Variants in SERPINE2 observed in about 807,000 individuals in gnomAD.
SERPINE2 encodes glia-derived nexin.
A neutral mutation model predicts 36.3 loss-of-function variants in SERPINE2; 14 were observed. The ratio of observed to expected loss-of-function variants is 0.39; its 90% CI spans 0.25 to 0.60. The LOEUF (loss-of-function observed/expected upper bound fraction) is 0.60, where lower values mean the gene tolerates loss of function less well. SERPINE2 is among the 20% of genes least tolerant of loss of function. The pLI, the probability that SERPINE2 is intolerant of heterozygous loss-of-function variation, is 0.57. For missense variants in SERPINE2, 418 were observed against 499.6 expected, an observed-to-expected ratio of 0.84 and a Z score of 1.56; for synonymous variants, 192 against 191.8, an observed-to-expected ratio of 1.00 and a Z score of -0.01.
At chr2:224,031,616 G>A (rs1692375739) in intron 1 of SERPINE2, 1 of 493,754 alleles carries the variant, frequency 2.0e-6, no homozygotes, top group Non-Finnish European at 2.6e-6. Flanking sequence ...ACAGCCATTG[G>A]TATCGGGACG....
intron 1 of SERPINE2, among the ~76,000 whole-genome samples, chr2:224,010,149 A>G (rs1691573349): frequency 6.6e-6 from 1 of 152,218 alleles, no homozygotes; most frequent in Admixed American, 6.5e-5. Flanking sequence ...AAATTTAGAG[A>G]ACAAACAGGA....
chr2:224,013,976 G>C (rs1279182210), intron 1 of SERPINE2: 2 of 152,372 alleles, frequency 1.3e-5, no homozygotes, highest in Admixed American at 1.3e-4. Flanking sequence ...TGGGCTGGCA[G>C]GCCAAAGCTT....
intron 1 of SERPINE2, among the ~76,000 whole-genome samples, chr2:224,016,331 C>T (rs1160145824): frequency 6.6e-6 from 1 of 152,130 alleles, no homozygotes; most frequent in South Asian, 2.1e-4. Context: ...CATGGTGAAA[C>T]CCTGTCTCTA....
At chr2:224,012,815 T>G (rs1030453760) in intron 1 of SERPINE2, among the ~76,000 whole-genome samples, 1 of 152,254 alleles carries the variant, frequency 6.6e-6, no homozygotes, top group African/African-American at 2.4e-5. Flanking sequence ...ATAGCTGAAA[T>G]GTGTTCTAAA....
At chr2:223,990,398 C>G (rs1412207046) in intron 4 of SERPINE2, among the ~76,000 whole-genome samples, 2 of 152,162 alleles carry the variant, frequency 1.3e-5, no homozygotes, top group Non-Finnish European at 2.9e-5. Context: ...ATGTAACTCT[C>G]TGGGAATAGC....
At chr2:223,992,689 T>C (rs565581278) in intron 3 of SERPINE2, among the ~76,000 whole-genome samples, 74 of 152,274 alleles carry the variant, frequency 4.9e-4, no homozygotes, top group African/African-American at 1.5e-3. Flanking sequence ...GTTCCCACCA[T>C]AAAGAAATGA....
intron 1 of SERPINE2, among the ~76,000 whole-genome samples, chr2:224,018,290 T>C (rs1559216100): frequency 6.6e-6 from 1 of 152,146 alleles, no homozygotes; most frequent in Admixed American, 6.5e-5. Flanking sequence ...TGAAATAGGG[T>C]GGGATTATAC....
chr2:224,035,541 G>C (rs905287845), intron 1 of SERPINE2, among the ~76,000 whole-genome samples: 2 of 151,954 alleles, frequency 1.3e-5, no homozygotes, highest in Non-Finnish European at 2.9e-5. Flanking sequence ...GCTAATTTTT[G>C]TATTTTTAGT....
intron 1 of SERPINE2, among the ~76,000 whole-genome samples, chr2:224,005,073 A>AAATATATTT (rs1691359723): frequency 9.9e-5 from 1 of 10,062 alleles, no homozygotes; most frequent in East Asian, 2.5e-3. Flanking sequence ...TATTATATAT[A>AAATATATTT]TATATATATA....
At chr2:224,007,325 G>GT (rs766629551) in intron 1 of SERPINE2, among the ~76,000 whole-genome samples, 25 of 152,042 alleles carry the variant, frequency 1.6e-4, no homozygotes, top group Non-Finnish European at 2.5e-4. Context: ...TCTATAAAAG[G>GT]TTTAAAGTGA....
chr2:223,998,339 A>C lies in SERPINE2; in HGVS notation c.263T>G (p.Val88Gly). 3 of 1,608,644 alleles carry C rather than the reference A, an allele frequency of 1.9e-6. No homozygotes were observed. Among genetic ancestry groups the C allele is most frequent in the Non-Finnish European group, 2.6e-6 (3 of 1,175,232 alleles). Residue 88 changes from valine to glycine, a missense_variant, in exon 3 of 9, where the codon GTT becomes GGT. Coordinates refer to ENST00000409304, the MANE Select transcript of SERPINE2 (RefSeq NM_001136528.2). ...GTTGATCTTCTTTAATATTTTACCA[A>C]CTCCTAAAAGAGAAATCAGAAGATA... ...AMVMRYGVNG[V>G]GKILKKINKA... is the part of the protein sequence containing the mutation.
At chr2:224,031,601 T>C (rs926300846) in intron 1 of SERPINE2, 43 of 620,596 alleles carry the variant, frequency 6.9e-5, no homozygotes, top group Non-Finnish European at 8.2e-5. Context: ...CTCACTCCTC[T>C]GCCCACAGCC....
chr2:224,039,078 C>T lies in SERPINE2; in HGVS notation c.-23+21G>A, dbSNP rs1394546311. 1 of 151,242 alleles carries T rather than the reference C, an allele frequency of 6.6e-6. No homozygotes were observed. The highest frequency in any genetic ancestry group is 1.5e-5 in the Non-Finnish European group (1 of 67,732). The allele number at this position is 151,242 out of a possible 1,614,324, so 9.4% of individuals were successfully genotyped here. ...GGCAGCGCCGGCCGCGCCCGGGACT[C>T]ACCGCGCAGCCTGTACTCACCGCGC... On this transcript the variant is annotated intron_variant, in intron 1 of 8. Coordinates refer to ENST00000409304, the MANE Select transcript of SERPINE2 (RefSeq NM_001136528.2). The surrounding 1 kb of genome is among the most constrained non-coding windows in gnomAD (Gnocchi z 5.2).
intron 3 of SERPINE2, among the ~76,000 whole-genome samples, chr2:223,994,569 A>T (rs1329091797): frequency 2.0e-5 from 3 of 152,204 alleles, no homozygotes; most frequent in African/African-American, 7.2e-5. Flanking sequence ...ATCTGGTCTC[A>T]AAAACTACGA....
At chr2:224,018,606 T>C (rs924936284) in intron 1 of SERPINE2, among the ~76,000 whole-genome samples, 3 of 151,076 alleles carry the variant, frequency 2.0e-5, no homozygotes, top group African/African-American at 7.3e-5. Flanking sequence ...AAAAAAATAA[T>C]AATAAAATAA....
chr2:223,999,538 C>T (rs1236198778), intron 2 of SERPINE2, among the ~76,000 whole-genome samples: 1 of 152,126 alleles, frequency 6.6e-6, no homozygotes, highest in South Asian at 2.1e-4. Flanking sequence ...GGCTTTACAA[C>T]GTGCATGGCC....
intron 4 of SERPINE2, among the ~76,000 whole-genome samples, chr2:223,987,545 G>T (rs1467325386): frequency 1.3e-5 from 2 of 152,136 alleles, no homozygotes; most frequent in African/African-American, 4.8e-5. Flanking sequence ...GGTCATTTCT[G>T]CAGTGTATAA....
intron 3 of SERPINE2, among the ~76,000 whole-genome samples, chr2:223,997,132 C>A (rs1180364811): frequency 6.6e-6 from 1 of 152,188 alleles, no homozygotes; most frequent in Non-Finnish European, 1.5e-5. Context: ...CCTTCACATT[C>A]TCCTGTTGTT....
At chr2:224,032,428 G>A (rs1692409473) in intron 1 of SERPINE2, among the ~76,000 whole-genome samples, 1 of 152,148 alleles carries the variant, frequency 6.6e-6, no homozygotes, top group Admixed American at 6.5e-5. Flanking sequence ...GGTAAGAGAA[G>A]GCACTGATGC....
Sources: gnomAD v4.1 joint callset for allele counts (sites outside exome capture counted in the v4.1 genomes callset) on GRCh38, gnomAD v4.1.1 for gene constraint, Gnocchi (gnomAD v3.1) non-coding constraint, MANE v1.5 for transcripts, NCBI Gene and HGNC (gene_info 2026-07-23, HGNC 2026-07-21) for gene names.